Variants in ATP7B observed in about 807,000 individuals in gnomAD.
The protein encoded by ATP7B is copper-transporting ATPase 2.
A neutral mutation model predicts 118.9 loss-of-function variants in ATP7B; 113 were observed. The observed-to-expected ratio is 0.95, with a 90% confidence interval of 0.82 to 1.11. ATP7B has a LOEUF of 1.11. Among genes scored for constraint, ATP7B ranks in the 50% most tolerant of loss-of-function variants. The pLI is 0.00. For missense variants in ATP7B, 1,867 were observed against 1,871.4 expected, an observed-to-expected ratio of 1.00 and a Z score of 0.04; for synonymous variants, 777 against 727.4, an observed-to-expected ratio of 1.07 and a Z score of -1.10.
At position 51,934,853 on chromosome 13, in the gene ATP7B, G is replaced by T; in HGVS notation, c.4301C>A (p.Thr1434Lys). 2.5e-6 allele frequency: 4 copies of T among 1,614,208 alleles called. No homozygotes were observed. Among genetic ancestry groups the T allele is most frequent in the Non-Finnish European group, 3.4e-6 (4 of 1,180,044 alleles). ...YVSQVSLSSLTSDKPSRHSAA... is the reference protein window; with the variant it reads ...YVSQVSLSSLKSDKPSRHSAA... ...GCTGTGCCGAGATGGCTTGTCGGACGTCAGGGAGGACAGCGACACCTGGCT... is the reference window on the plus strand; with the variant it reads ...GCTGTGCCGAGATGGCTTGTCGGACTTCAGGGAGGACAGCGACACCTGGCT... The change falls in exon 21 of 21, where the codon ACG (threonine) becomes AAG (lysine). Residue 1434 changes from threonine to lysine, a missense_variant. Coordinates refer to ENST00000242839, the MANE Select transcript of ATP7B (RefSeq NM_000053.4).
rs561139788 is a variant in ATP7B, at chr13:51,953,851, T to TAAAAAAAAAAAAAAAAAAAAAA, written c.2448-3453_2448-3452insTTTTTTTTTTTTTTTTTTTTTT. ...TTGTAATTTGTTTCCCCATCAATTG[T>TAAAAAAAAAAAAAAAAAAAAAA]AAAAAAAAAAAAAAAAACCAGAAAA... is the stretch of plus-strand genomic sequence containing the variant. On this transcript the variant is annotated intron_variant, in intron 9 of 20. Coordinates refer to ENST00000242839, the MANE Select transcript of ATP7B (RefSeq NM_000053.4). Among the ~76,000 whole-genome samples the TAAAAAAAAAAAAAAAAAAAAAA allele has an allele frequency of 8.7e-4, 82 of 94,290 alleles. 4 individuals are homozygous for TAAAAAAAAAAAAAAAAAAAAAA. Among genetic ancestry groups the TAAAAAAAAAAAAAAAAAAAAAA allele is most frequent in the African/African-American group, 3.4e-3 (80 of 23,236 alleles). 61.9% of individuals were successfully genotyped at this position (94,290 alleles called of 152,430 possible). A position where few individuals can be genotyped will look rare whatever the true frequency, so the allele number is the denominator to read the frequency against.
chr13:51,935,832 G>C (rs1229519010), intron 19 of ATP7B, 137 bp from the exon 20 acceptor site: 12 of 721,774 alleles, frequency 1.7e-5, no homozygotes, highest in Non-Finnish European at 2.1e-5. Context: ...CCCTGCCAAT[G>C]GATCTTGCCC....
intron 1 of ATP7B, among the ~76,000 whole-genome samples, chr13:51,999,199 G>C (rs773845643): frequency 6.6e-5 from 10 of 152,168 alleles, no homozygotes; most frequent in Non-Finnish European, 1.3e-4. Flanking sequence ...ACTGCCCTTG[G>C]AAGTTTACTG....
chr13:52,002,390 T>A (rs898767644), intron 1 of ATP7B, among the ~76,000 whole-genome samples: 2 of 147,932 alleles, frequency 1.4e-5, no homozygotes, highest in African/African-American at 5.0e-5. Context: ...GGTGAAACCG[T>A]GTCTCTAAAA....
chr13:52,005,915 G>T (rs1001057070), intron 1 of ATP7B, among the ~76,000 whole-genome samples: 3 of 152,318 alleles, frequency 2.0e-5, no homozygotes, highest in South Asian at 2.1e-4. Context: ...CATGATGGCC[G>T]TAACGCCCAC....
rs755812343 is a variant in ATP7B, at chr13:51,975,182, A to G, written c.52-14T>C. On this transcript the variant is annotated splice_polypyrimidine_tract_variant and intron_variant, in intron 1 of 20. Transcript: ENST00000242839. ...CTTAGATAAGATCTAAAAAGAAAAG[A>G]AATAACATTTTTTAACCTTGAAACC... is the stretch of plus-strand genomic sequence containing the variant. 6.2e-7 allele frequency: 1 copy of G among 1,614,000 alleles called. No homozygotes were observed. Among genetic ancestry groups the G allele is most frequent in the Admixed American group, 1.7e-5 (1 of 60,030 alleles).
At chr13:51,940,570 G>A (rs996371120) in intron 16 of ATP7B, among the ~76,000 whole-genome samples, 5 of 151,900 alleles carry the variant, frequency 3.3e-5, no homozygotes, top group African/African-American at 9.7e-5. Context: ...GCTTGAACCC[G>A]GAAGGTGGAG....
chr13:51,998,959 G>A (rs1164015303), intron 1 of ATP7B, among the ~76,000 whole-genome samples: 4 of 152,128 alleles, frequency 2.6e-5, no homozygotes, highest in Non-Finnish European at 2.9e-5. Context: ...GAGGAGTCCC[G>A]GATCCTGTGA....
chr13:51,970,795 T>C, intron 2 of ATP7B, 46 bp from the exon 3 acceptor site: 1 of 1,599,788 alleles, frequency 6.3e-7, no homozygotes. Context: ...GAGCAAATAA[T>C]ATGTTTTTCA....
chr13:51,975,761 C>T (rs1344865657), intron 1 of ATP7B, among the ~76,000 whole-genome samples: 7 of 152,202 alleles, frequency 4.6e-5, no homozygotes, highest in East Asian at 1.9e-4. Flanking sequence ...ACCATAGGGT[C>T]GGAATCCAAA....
intron 9 of ATP7B, among the ~76,000 whole-genome samples, chr13:51,953,851 T>TAAAAAAAAAAAAAAAAAAAAAAA (rs561139788): frequency 1.9e-4 from 18 of 94,340 alleles, no homozygotes; most frequent in African/African-American, 7.7e-4. Context: ...CCATCAATTG[T>TAAAAAAAAAAAAAAAAAAAAAAA]AAAAAAAAAA....
intron 20 of ATP7B, among the ~76,000 whole-genome samples, chr13:51,935,388 G>A (rs565333308): frequency 6.6e-6 from 1 of 152,344 alleles, no homozygotes; most frequent in South Asian, 2.1e-4. Context: ...GGGCAGCCCA[G>A]CACGTGAATG....
chr13:51,976,192 T>C (rs544573091), intron 1 of ATP7B, among the ~76,000 whole-genome samples: 19 of 152,338 alleles, frequency 1.2e-4, no homozygotes, highest in Non-Finnish European at 2.6e-4. Flanking sequence ...CAGGCCTTTA[T>C]ACATGATACA....
rs922773414 is a variant in ATP7B at position 51,934,512 on chromosome 13, T to A, written c.*244A>T. The A allele has an allele frequency of 1.7e-6, 1 of 590,940 alleles. No homozygotes were observed. Among genetic ancestry groups the A allele is most frequent in the Middle Eastern group, 4.7e-4 (1 of 2,140 alleles). 36.6% of individuals were successfully genotyped at this position (590,940 alleles called of 1,614,324 possible). A position where few individuals can be genotyped will look rare whatever the true frequency, so the allele number is the denominator to read the frequency against. On this transcript the variant is annotated 3_prime_UTR_variant, in exon 21 of 21. Coordinates refer to ENST00000242839, the MANE Select transcript of ATP7B (RefSeq NM_000053.4). Reference sequence around the variant, plus strand: ...TCTACAGTCCAGCCAAGGACTAGAGTCCAAGACAAAGCCCATGCTGACGGT... The same window carrying A: ...TCTACAGTCCAGCCAAGGACTAGAGACCAAGACAAAGCCCATGCTGACGGT...
rs560555276 is a variant in ATP7B, at chr13:51,957,835, T to C, written c.2356-228A>G. On this transcript the variant is annotated intron_variant, in intron 8 of 20. Transcript: ENST00000242839. ...GTGCCACTAAAGTCCGGGAATTACATTTCAGACTGGAAACAAACATCAGTC... is the reference window on the plus strand; with the variant it reads ...GTGCCACTAAAGTCCGGGAATTACACTTCAGACTGGAAACAAACATCAGTC... 28 of 553,602 alleles carry C rather than the reference T, an allele frequency of 5.1e-5. No individual in the cohort carries two copies. The South Asian group carries it at 5.4e-4, about 11-fold the overall frequency. 34.3% of individuals were successfully genotyped at this position (553,602 alleles called of 1,614,324 possible).
intron 14 of ATP7B, among the ~76,000 whole-genome samples, chr13:51,942,789 G>A (rs1015850448): frequency 1.3e-5 from 2 of 152,156 alleles, no homozygotes; most frequent in East Asian, 3.9e-4. Flanking sequence ...TAAGTTGAAT[G>A]AGACTATTTT....
intron 1 of ATP7B, among the ~76,000 whole-genome samples, chr13:51,994,698 A>G (rs147074223): frequency 2.0e-5 from 3 of 152,334 alleles, no homozygotes; most frequent in East Asian, 1.9e-4. Flanking sequence ...ACCAATGAAC[A>G]GCACAAAAAT....
intron 17 of ATP7B, 30 bp from the exon 18 acceptor site, chr13:51,937,709 T>C (rs1957057637): frequency 6.2e-7 from 1 of 1,611,254 alleles, no homozygotes; most frequent in African/African-American, 1.3e-5. Flanking sequence ...ATGCCTAGTG[T>C]TGGCAAAAGG....
intron 14 of ATP7B, among the ~76,000 whole-genome samples, chr13:51,943,810 C>T (rs1593670313): frequency 6.6e-6 from 1 of 152,110 alleles, no homozygotes; most frequent in Non-Finnish European, 1.5e-5. Context: ...TGCCCGTACT[C>T]CCCAAGACCG....
Sources: allele counts gnomAD v4.1 joint callset (sites outside exome capture counted in the v4.1 genomes callset), GRCh38; gene constraint gnomAD v4.1.1; transcripts MANE v1.5; gene names NCBI Gene and HGNC (gene_info 2026-07-23, HGNC 2026-07-21).